The following EPHB1 variants were observed in gnomAD, a reference collection of about 807,000 sequenced individuals.
EPHB1 encodes EPH receptor B1, also known as ephrin type-B receptor 1.
Under a neutral mutation model 94.4 loss-of-function variants are expected in EPHB1, and 30 were observed. The observed-to-expected ratio is 0.32, with a 90% confidence interval of 0.24 to 0.43. EPHB1 has a LOEUF of 0.43. Among genes scored for constraint, EPHB1 ranks in the 20% least tolerant of loss-of-function variants. The pLI, the probability that EPHB1 is intolerant of heterozygous loss-of-function variation, is 1.00. For synonymous variants in EPHB1, 522 were observed against 489.1 expected (o/e 1.07, Z -0.89); for missense variants, 1,055 against 1,308.3 (o/e 0.81, Z 2.99).
chr3:135,166,628 A>G (rs1941660356), intron 8 of EPHB1, among the ~76,000 whole-genome samples: 1 of 152,242 alleles, frequency 6.6e-6, no homozygotes, highest in South Asian at 2.1e-4. Flanking sequence ...CAGTTCTGCA[A>G]TGTAGCTTAA....
At chr3:134,979,982 G>C (rs1291910863) in intron 3 of EPHB1, among the ~76,000 whole-genome samples, 3 of 152,202 alleles carry the variant, frequency 2.0e-5, no homozygotes, top group Non-Finnish European at 4.4e-5. Flanking sequence ...TGCACTGCTG[G>C]AGACCTTAAC....
intron 3 of EPHB1, among the ~76,000 whole-genome samples, chr3:135,097,239 AC>A (rs1381216053): frequency 2.7e-5 from 4 of 147,146 alleles, no homozygotes; most frequent in Non-Finnish European, 6.0e-5. Context: ...CAATTTGAGA[AC>A]CTGGCCTAGA....
At chr3:135,203,817 C>T (rs1028799623) in intron 12 of EPHB1, among the ~76,000 whole-genome samples, 2 of 152,126 alleles carry the variant, frequency 1.3e-5, no homozygotes, top group Admixed American at 6.5e-5. Context: ...GGCATCATTG[C>T]CGCCAAGATT....
intron 9 of EPHB1, among the ~76,000 whole-genome samples, chr3:135,175,558 T>C (rs1358297062): frequency 6.6e-6 from 1 of 152,148 alleles, no homozygotes; most frequent in Non-Finnish European, 1.5e-5. Context: ...AAATTAAAGA[T>C]TTTTCTCTCT....
chr3:134,977,550 C>T (rs1934236652), intron 3 of EPHB1, among the ~76,000 whole-genome samples: 1 of 152,202 alleles, frequency 6.6e-6, no homozygotes, highest in Admixed American at 6.5e-5. Context: ...CTCCATTTCT[C>T]CTGCCATGCT....
intron 4 of EPHB1, among the ~76,000 whole-genome samples, chr3:135,129,531 C>T (rs564834739): frequency 6.6e-6 from 1 of 152,330 alleles, no homozygotes; most frequent in Non-Finnish European, 1.5e-5. Flanking sequence ...TCCATGCACA[C>T]TGAGCAAAGG....
At chr3:135,044,626 C>T (rs1426039108) in intron 3 of EPHB1, among the ~76,000 whole-genome samples, 3 of 152,140 alleles carry the variant, frequency 2.0e-5, no homozygotes, top group Non-Finnish European at 4.4e-5. Context: ...ATGCTTGTTT[C>T]ATAGGGTTGT....
intron 1 of EPHB1, among the ~76,000 whole-genome samples, chr3:134,856,468 A>C (rs2037120369): frequency 6.6e-6 from 1 of 152,218 alleles, no homozygotes; most frequent in Admixed American, 6.5e-5. Flanking sequence ...ACATCTGCAA[A>C]GAGATTCTTT....
At chr3:134,886,494 C>G (rs1171720911) in intron 1 of EPHB1, among the ~76,000 whole-genome samples, 1 of 152,172 alleles carries the variant, frequency 6.6e-6, no homozygotes, top group Admixed American at 6.5e-5. Flanking sequence ...CTGCCATACC[C>G]ATCTGGGATG....
intron 5 of EPHB1, among the ~76,000 whole-genome samples, chr3:135,153,055 A>G (rs1471802875): frequency 1.3e-5 from 2 of 152,196 alleles, no homozygotes; most frequent in African/African-American, 2.4e-5. Context: ...TGCATGTAGT[A>G]GGGACTCACT....
intron 1 of EPHB1, among the ~76,000 whole-genome samples, chr3:134,847,023 T>C (rs533927852): frequency 6.6e-6 from 1 of 152,266 alleles, no homozygotes; most frequent in South Asian, 2.1e-4. Flanking sequence ...GTTTCCTCCA[T>C]TTCCCTAAGT....
intron 3 of EPHB1, among the ~76,000 whole-genome samples, chr3:134,987,866 T>G (rs1383803859): frequency 6.6e-6 from 1 of 152,140 alleles, no homozygotes; most frequent in Non-Finnish European, 1.5e-5. Flanking sequence ...AAAACAGCCC[T>G]GCTGATACCT....
chr3:134,813,999 G>T (rs1416824341), intron 1 of EPHB1, among the ~76,000 whole-genome samples: 1 of 152,184 alleles, frequency 6.6e-6, no homozygotes, highest in Non-Finnish European at 1.5e-5. Flanking sequence ...GAGACTCCCT[G>T]AGGGCCCCCA....
intron 1 of EPHB1, among the ~76,000 whole-genome samples, chr3:134,875,510 C>A (rs373780027): frequency 6.6e-6 from 1 of 152,072 alleles, no homozygotes; most frequent in African/African-American, 2.4e-5. Flanking sequence ...CCCAGGGAAA[C>A]CCGGATGGCA....
intron 1 of EPHB1, among the ~76,000 whole-genome samples, chr3:134,798,532 G>A (rs894812893): frequency 7.9e-5 from 12 of 152,306 alleles, no homozygotes; most frequent in African/African-American, 2.9e-4. Context: ...GGAGAGAGAT[G>A]CCACTACAAG....
At chr3:134,952,080 C>T (rs1371103807) in intron 3 of EPHB1, 28 bp downstream of exon 3, 1 of 1,563,992 alleles carries the variant, frequency 6.4e-7, no homozygotes, top group Non-Finnish European at 8.7e-7. Flanking sequence ...TGCTTCCTGC[C>T]CATCTATGGC....
chr3:135,052,943 GTA>G (rs796641061), intron 3 of EPHB1, among the ~76,000 whole-genome samples: 6,085 of 92,220 alleles, frequency 0.066, 720 homozygotes, highest in African/African-American at 0.23. Flanking sequence ...ATATATGTGT[GTA>G]TATATATATA....
At chr3:135,030,135 T>G (rs1936380491) in intron 3 of EPHB1, among the ~76,000 whole-genome samples, 1 of 151,788 alleles carries the variant, frequency 6.6e-6, no homozygotes, top group Non-Finnish European at 1.5e-5. Flanking sequence ...CTAAATTTTT[T>G]TCAAAGTTTT....
At chr3:134,931,902 A>C (rs1270259019) in intron 2 of EPHB1, among the ~76,000 whole-genome samples, 3 of 152,008 alleles carry the variant, frequency 2.0e-5, no homozygotes, top group African/African-American at 7.3e-5. Flanking sequence ...ACATATGTAT[A>C]TAGTGTATAT....
Sources: gnomAD v4.1 joint callset for allele counts (sites outside exome capture counted in the v4.1 genomes callset) on GRCh38, gnomAD v4.1.1 for gene constraint, MANE v1.5 for transcripts, NCBI Gene and HGNC (gene_info 2026-07-23, HGNC 2026-07-21) for gene names.